PLS3: variants seen among roughly 807,000 people sequenced by gnomAD.
The protein encoded by PLS3 is plastin-3.
In PLS3, 11 loss-of-function variants were observed where a neutral mutation model predicts 46.5. The ratio of observed to expected loss-of-function variants is 0.24; its 90% CI spans 0.15 to 0.39. The LOEUF is 0.39. PLS3 is among the 10% of genes least tolerant of loss of function. The pLI is 1.00. For missense variants in PLS3, 308 were observed against 461.8 expected, an observed-to-expected ratio of 0.67 and a Z score of 3.05; for synonymous variants, 167 against 162.2, an observed-to-expected ratio of 1.03 and a Z score of -0.22.
chrX:115,612,182 G>A (rs953566149), intron 2 of PLS3, among the ~76,000 whole-genome samples: 6 of 111,227 alleles, frequency 5.4e-5, no homozygotes, highest in African/African-American at 2.0e-4. Context: ...TGGGATTTTT[G>A]TCATTATCAA....
chrX:115,614,054 T>A (rs2074572315), intron 2 of PLS3: 1 of 111,333 alleles, frequency 9.0e-6, no homozygotes, highest in African/African-American at 3.3e-5. Context: ...CACTGCAAGC[T>A]CCGCCTCCCG....
chrX:115,577,925 C>T (rs1294648880), intron 1 of PLS3, among the ~76,000 whole-genome samples: 7 of 111,636 alleles, frequency 6.3e-5, no homozygotes, highest in African/African-American at 2.0e-4. Context: ...TTATATATGT[C>T]AGATACTATT....
chrX:115,640,479 A>G lies in PLS3; in HGVS notation c.963A>G (p.Ile321Met), dbSNP rs782042501. Reference protein sequence around the residue: ...PKGQKEGEPRIDINMSGFNET... With the variant: ...PKGQKEGEPRMDINMSGFNET... ...GACAAAAGGAAGGTGAACCACGGAT[A>G]GATATTAACATGTCAGGTTTCAATG... is the stretch of plus-strand genomic sequence containing the variant. Residue 321 changes from isoleucine to methionine, a missense_variant, in exon 9 of 16, where the codon ATA becomes ATG. Physicochemically the swap from Ile to Met is conservative, Grantham distance 10 (BLOSUM62 1). Around this residue, in one of 2 missense-constraint regions of PLS3, gnomAD observed 271 missense variants for 435.7 expected, o/e 0.62. Coordinates refer to ENST00000355899, the MANE Select transcript of PLS3 (RefSeq NM_005032.7). The G allele has an allele frequency of 3.5e-6, 4 of 1,157,915 alleles. No individual in the cohort carries two copies. The East Asian group carries it at 8.9e-5, about 26-fold the overall frequency.
At chrX:115,583,165 A>G (rs138575078) in intron 1 of PLS3, among the ~76,000 whole-genome samples, 194 of 112,957 alleles carry the variant, frequency 1.7e-3, no homozygotes, top group African/African-American at 5.7e-3. Flanking sequence ...TACACCTGGC[A>G]AAGGAACTCT....
intron 10 of PLS3, 31 bp from the exon 11 acceptor site, chrX:115,644,990 A>G: frequency 1.1e-6 from 1 of 910,015 alleles, no homozygotes; most frequent in Admixed American, 2.2e-5. Context: ...GTGTTTAATG[A>G]ATCAGTAAAT....
rs781944956 is a variant in PLS3, at chrX:115,622,297, A to G, written c.125A>G (p.Lys42Arg). Residue 42 changes from lysine to arginine, a missense_variant, in exon 3 of 16, where the codon AAG becomes AGG. Lys to Arg is a conservative substitution (Grantham distance 26). Transcript: ENST00000355899. ...GACTATGAACTTCATGAGCTCTTCA[A>G]GGAAGCTAATATGCCATTACCAGGA... ...ICDYELHELF[K>R]EANMPLPGYK... 2.5e-6 allele frequency: 3 copies of G among 1,191,239 alleles called. No homozygotes were observed. The highest frequency in any genetic ancestry group is 3.6e-5 in the South Asian group (2 of 55,304).
chrX:115,574,793 G>T (rs1050809069), intron 1 of PLS3, among the ~76,000 whole-genome samples: 3 of 111,938 alleles, frequency 2.7e-5, no homozygotes, highest in African/African-American at 9.7e-5. Flanking sequence ...TGGTCAGGCT[G>T]GTCTCAGACT....
intron 1 of PLS3, chrX:115,593,718 T>G (rs180715588): frequency 8.9e-6 from 1 of 111,860 alleles, no homozygotes; most frequent in Non-Finnish European, 1.9e-5. Flanking sequence ...AGCAGGAATT[T>G]ACGTCAAAAA....
intron 1 of PLS3, among the ~76,000 whole-genome samples, chrX:115,609,937 T>C (rs1199571390): frequency 8.9e-6 from 1 of 112,204 alleles, no homozygotes; most frequent in East Asian, 2.8e-4. Context: ...ACCAAGAATT[T>C]CTATTATGTA....
chrX:115,577,435 C>CT (rs1249066041), intron 1 of PLS3, among the ~76,000 whole-genome samples: 2 of 111,080 alleles, frequency 1.8e-5, no homozygotes, highest in South Asian at 7.7e-4. Context: ...TTTGAAAACT[C>CT]TAATTCCAGT....
At chrX:115,623,676 A>C (rs1030678681) in intron 3 of PLS3, among the ~76,000 whole-genome samples, 1 of 111,727 alleles carries the variant, frequency 9.0e-6, no homozygotes, top group African/African-American at 3.3e-5. Flanking sequence ...TATATCACAA[A>C]CTAGTTATCA....
intron 2 of PLS3, among the ~76,000 whole-genome samples, chrX:115,614,944 G>A (rs1266308525): frequency 3.6e-5 from 4 of 111,196 alleles, no homozygotes; most frequent in Non-Finnish European, 7.5e-5. Flanking sequence ...TAGAGAGGTC[G>A]CATGTGTATT....
intron 1 of PLS3, among the ~76,000 whole-genome samples, chrX:115,594,131 G>C (rs932332089): frequency 2.7e-5 from 3 of 111,625 alleles, no homozygotes; most frequent in African/African-American, 9.8e-5. Context: ...TCCTACGTGA[G>C]TTAAATCAAA....
intron 1 of PLS3, among the ~76,000 whole-genome samples, chrX:115,602,548 A>G (rs1047201523): frequency 9.0e-6 from 1 of 111,699 alleles, no homozygotes; most frequent in Non-Finnish European, 1.9e-5. Context: ...GTAGGTATGC[A>G]AAGTGTGGGT....
At chrX:115,649,305 T>C in intron 15 of PLS3, 124 bp from the exon 16 acceptor site, 3 of 506,826 alleles carry the variant, frequency 5.9e-6, no homozygotes, top group East Asian at 3.7e-5. Flanking sequence ...ACTGTTCTAA[T>C]TGGAACTATC....
At position 115,599,844 on chromosome X, in the gene PLS3, G is replaced by T. The variant is rs371069934; in HGVS notation, c.-8-10399G>T. ...GACGGGGCTTCACCATGTTGGCCAGGATGGTCTTGATCTCTGACCTTGTGA... is the reference window on the plus strand; with the variant it reads ...GACGGGGCTTCACCATGTTGGCCAGTATGGTCTTGATCTCTGACCTTGTGA... On this transcript the variant is annotated intron_variant, in intron 1 of 15. Transcript: ENST00000355899. Among the ~76,000 whole-genome samples, 20 of 109,727 alleles carry T rather than the reference G, an allele frequency of 1.8e-4. No individual in the cohort carries two copies. The South Asian group carries it at 3.6e-3, about 20-fold the overall frequency.
chrX:115,644,976 TAA>T, intron 10 of PLS3, 43 bp from the exon 11 acceptor site: 2 of 795,672 alleles, frequency 2.5e-6, no homozygotes, highest in Non-Finnish European at 3.9e-6. Flanking sequence ...TGCACATACA[TAA>T]AGTGTTTAAT....
intron 2 of PLS3, chrX:115,611,012 T>C (rs901958931): frequency 1.8e-4 from 82 of 464,300 alleles, no homozygotes; most frequent in South Asian, 2.4e-4. Context: ...AGCCTACTTA[T>C]GTAAATACAT....
chrX:115,597,074 G>A (rs1264378771), intron 1 of PLS3, among the ~76,000 whole-genome samples: 1 of 109,960 alleles, frequency 9.1e-6, no homozygotes, highest in Non-Finnish European at 1.9e-5. Context: ...GAACCCAGGA[G>A]GTGGAGGTTG....
Sources: allele counts gnomAD v4.1 joint callset (sites outside exome capture counted in the v4.1 genomes callset), GRCh38; gene constraint gnomAD v4.1.1; regional missense constraint gnomAD v4.1.1; transcripts MANE v1.5; gene names NCBI Gene and HGNC (gene_info 2026-07-23, HGNC 2026-07-21).